The following SOCS2 variants were observed in gnomAD, a reference collection of about 807,000 sequenced individuals.
SOCS2 encodes the protein suppressor of cytokine signaling 2.
In SOCS2, 10 loss-of-function variants were observed where a neutral mutation model predicts 18.6. The ratio of observed to expected loss-of-function variants is 0.54; its 90% confidence interval spans 0.33 to 0.91. The LOEUF is 0.91. SOCS2 is among the 40% of genes least tolerant of loss of function. SOCS2 has a pLI of 0.02. For missense variants in SOCS2, 231 were observed against 247.2 expected (o/e 0.93, Z 0.44); for synonymous variants, 104 against 104.0 (o/e 1.00, Z 0.00).
chr12:93,610,698 T>G, the SOCS2 span, among the ~76,000 whole-genome samples: 2,316 of 152,224 alleles, frequency 0.015, 70 homozygotes, highest in African/African-American at 0.053. Context: ...TCTTTTGCCA[T>G]GTGAAGACAC....
chr12:93,606,342 T>G, the SOCS2 span, among the ~76,000 whole-genome samples: 1 of 152,178 alleles, frequency 6.6e-6, no homozygotes, highest in Non-Finnish European at 1.5e-5. Flanking sequence ...TTTCTATTAA[T>G]CCTTCTGACA....
chr12:93,592,260 A>C, the SOCS2 span, among the ~76,000 whole-genome samples: 4 of 152,328 alleles, frequency 2.6e-5, no homozygotes, highest in Admixed American at 1.3e-4. Context: ...TGGACTCTCT[A>C]TGTCTACCTT....
At chr12:93,614,429 C>CTTT in the SOCS2 span, among the ~76,000 whole-genome samples, 2 of 41,482 alleles carry the variant, frequency 4.8e-5, no homozygotes, top group African/African-American at 2.9e-4. Context: ...TCCTTTCTTT[C>CTTT]CCTTCCTTCC....
At chr12:93,608,262 A>G in the SOCS2 span, among the ~76,000 whole-genome samples, 1 of 151,910 alleles carries the variant, frequency 6.6e-6, no homozygotes, top group African/African-American at 2.4e-5. Context: ...TGGCCTCCCA[A>G]ACTGTTGAGA....
At position 93,575,128 on chromosome 12, in the gene SOCS2, T is replaced by C. The variant is rs1452956545; in HGVS notation, c.546T>C (p.Pro182=). ...NKCTGAIWGL[P]LPTRLKDYLE... ...GTACCGGTGCCATCTGGGGACTGCC[T>C]TTACCAACAAGACTAAAAGATTACT... is the stretch of plus-strand genomic sequence containing the variant. The change falls in exon 2 of 2, where the codon CCT becomes CCC. Residue 182 remains proline, a synonymous_variant. Coordinates refer to ENST00000551556, the MANE Select transcript of SOCS2 (RefSeq NM_001270471.2). 1.3e-6 allele frequency: 2 copies of C among 1,584,152 alleles called. No individual in the cohort carries two copies. The highest frequency in any genetic ancestry group is 4.5e-5 in the East Asian group (2 of 44,780).
the SOCS2 span, among the ~76,000 whole-genome samples, chr12:93,617,225 A>G: frequency 2.0e-5 from 3 of 152,188 alleles, no homozygotes; most frequent in Non-Finnish European, 4.4e-5. Flanking sequence ...CCTGGTGGGA[A>G]TCCCATACTA....
upstream of SOCS2, chr12:93,570,850 G>C (rs771528288): frequency 2.6e-5 from 4 of 152,320 alleles, no homozygotes; most frequent in Non-Finnish European, 2.9e-5. Context: ...TATTGCGACC[G>C]AGCCTCTTTA....
At chr12:93,598,203 G>A in the SOCS2 span, among the ~76,000 whole-genome samples, 4 of 152,186 alleles carry the variant, frequency 2.6e-5, no homozygotes, top group Non-Finnish European at 5.9e-5. Context: ...TTGATGAGAA[G>A]GAAGAGCAAG....
downstream of SOCS2, among the ~76,000 whole-genome samples, chr12:93,585,708 A>T (rs1954580840): frequency 1.3e-5 from 2 of 152,198 alleles, no homozygotes; most frequent in Non-Finnish European, 2.9e-5. Flanking sequence ...ACTGCAAAAC[A>T]GTGTCTCTCC....
upstream of SOCS2, chr12:93,571,956 C>T (rs865791743): frequency 3.0e-6 from 1 of 330,404 alleles, no homozygotes; most frequent in East Asian, 1.6e-4. Context: ...CCGCAGCGCT[C>T]GCGACCGCCC....
the SOCS2 span, among the ~76,000 whole-genome samples, chr12:93,589,059 A>G: frequency 1.3e-5 from 2 of 152,222 alleles, no homozygotes; most frequent in African/African-American, 4.8e-5. Flanking sequence ...TCCCAGTGCT[A>G]TCATTATTTA....
At chr12:93,610,347 G>GT in the SOCS2 span, among the ~76,000 whole-genome samples, 1 of 152,098 alleles carries the variant, frequency 6.6e-6, no homozygotes, top group Non-Finnish European at 1.5e-5. Flanking sequence ...CACTCTGCCT[G>GT]GAGGATTTGT....
At chr12:93,614,422 T>TTCCTTCCTTCCTTCCTTCCTTCCTTCC in the SOCS2 span, among the ~76,000 whole-genome samples, 1 of 113,894 alleles carries the variant, frequency 8.8e-6, no homozygotes, top group African/African-American at 3.6e-5. Context: ...TCTTTCTTCC[T>TTCCTTCCTTCCTTCCTTCCTTCCTTCC]TTCTTTCCCT....
the SOCS2 span, among the ~76,000 whole-genome samples, chr12:93,624,646 C>A: frequency 2.0e-5 from 3 of 152,120 alleles, no homozygotes; most frequent in South Asian, 6.2e-4. Context: ...CAGACTAAGA[C>A]AATACTCATC....
At chr12:93,614,420 CCTTT>C in the SOCS2 span, among the ~76,000 whole-genome samples, 47 of 29,004 alleles carry the variant, frequency 1.6e-3, 1 homozygote, top group African/African-American at 2.2e-3. Context: ...TTTCTTTCTT[CCTTT>C]CTTTCCCTTC....
intron 1 of SOCS2, 193 bp downstream of exon 1, chr12:93,573,229 C>T (rs1565839771): frequency 1.4e-6 from 1 of 695,950 alleles, no homozygotes; most frequent in East Asian, 2.8e-5. Flanking sequence ...TCCAGGGACT[C>T]AGGCCTGGCG....
chr12:93,604,872 G>C, the SOCS2 span, among the ~76,000 whole-genome samples: 3 of 151,836 alleles, frequency 2.0e-5, no homozygotes, highest in Non-Finnish European at 4.4e-5. Flanking sequence ...TGTTGCCCAG[G>C]CTGGTGTCAA....
chr12:93,625,330 C>G, the SOCS2 span, among the ~76,000 whole-genome samples: 1 of 152,164 alleles, frequency 6.6e-6, no homozygotes, highest in Non-Finnish European at 1.5e-5. Context: ...CAGTGCATGT[C>G]TTCACTTGTT....
the SOCS2 span, among the ~76,000 whole-genome samples, chr12:93,617,869 A>G: frequency 2.6e-5 from 4 of 152,088 alleles, no homozygotes; most frequent in Admixed American, 1.3e-4. Context: ...CGGCCTGGAC[A>G]GGAGCAGTAC....
Sources: allele counts gnomAD v4.1 joint callset (sites outside exome capture counted in the v4.1 genomes callset), GRCh38; gene constraint gnomAD v4.1.1; transcripts MANE v1.5; gene names NCBI Gene and HGNC (gene_info 2026-07-23, HGNC 2026-07-21).